IL1RAPL2: variants seen among roughly 807,000 people sequenced by gnomAD.
IL1RAPL2 encodes the protein X-linked interleukin-1 receptor accessory protein-like 2.
A neutral mutation model predicts 44.1 loss-of-function variants in IL1RAPL2; 3 were observed. That is an observed-to-expected ratio of 0.07 (90% confidence interval 0.03 to 0.18). The LOEUF is 0.18. IL1RAPL2 is among the 10% of genes least tolerant of loss of function. The pLI, the probability that IL1RAPL2 is intolerant of heterozygous loss-of-function variation, is 1.00. For missense variants in IL1RAPL2, 391 were observed against 496.4 expected, an observed-to-expected ratio of 0.79 and a Z score of 2.02; for synonymous variants, 181 against 178.8, an observed-to-expected ratio of 1.01 and a Z score of -0.10.
chrX:104,828,095 T>C (rs1921506577), intron 2 of IL1RAPL2, among the ~76,000 whole-genome samples: 1 of 111,994 alleles, frequency 8.9e-6, no homozygotes, highest in African/African-American at 3.2e-5. Context: ...CAGAGGAGTT[T>C]GTTATTACCC....
intron 5 of IL1RAPL2, among the ~76,000 whole-genome samples, chrX:105,365,895 G>A (rs768070101): frequency 9.1e-6 from 1 of 110,032 alleles, no homozygotes; most frequent in Non-Finnish European, 1.9e-5. Flanking sequence ...TCGTGCTTCA[G>A]CCTCTTGAGT....
intron 2 of IL1RAPL2, among the ~76,000 whole-genome samples, chrX:105,108,862 G>A (rs1306905071): frequency 9.0e-6 from 1 of 111,048 alleles, no homozygotes; most frequent in East Asian, 2.8e-4. Context: ...TTTAAAATAG[G>A]TCCCCATTAT....
intron 2 of IL1RAPL2, among the ~76,000 whole-genome samples, chrX:104,791,206 C>G (rs1444798932): frequency 1.9e-5 from 2 of 105,011 alleles, no homozygotes; most frequent in African/African-American, 7.0e-5. Flanking sequence ...CTGCCCTTCC[C>G]TTCCCTCTCC....
At chrX:105,290,688 A>G (rs890759514) in intron 5 of IL1RAPL2, among the ~76,000 whole-genome samples, 2 of 111,166 alleles carry the variant, frequency 1.8e-5, no homozygotes, top group Non-Finnish European at 3.8e-5. Flanking sequence ...TTCTGCTTGG[A>G]TGATTGTGTT....
chrX:105,406,808 A>C lies in IL1RAPL2; in HGVS notation c.698-77505A>C, dbSNP rs1327892245. On this transcript the variant is annotated intron_variant, in intron 5 of 10. Coordinates refer to ENST00000372582, the MANE Select transcript of IL1RAPL2 (RefSeq NM_017416.2). ...GCCAATTTAGAAGGTGCTAATCTGA[A>C]AGGTGTGGATATGGAAGGAAGTCAG... 3.5e-6 allele frequency: 4 copies of C among 1,157,273 alleles called. No homozygotes were observed. The Admixed American group carries it at 8.7e-5, about 25-fold the overall frequency.
At chrX:105,243,719 AGTT>A (rs2034195375) in intron 4 of IL1RAPL2, among the ~76,000 whole-genome samples, 1 of 108,956 alleles carries the variant, frequency 9.2e-6, no homozygotes, top group Admixed American at 9.9e-5. Context: ...AAAATTACTG[AGTT>A]CAGGGTAATG....
chrX:105,134,877 C>A (rs1360060366), intron 2 of IL1RAPL2, among the ~76,000 whole-genome samples: 1 of 109,391 alleles, frequency 9.1e-6, no homozygotes, highest in Non-Finnish European at 1.9e-5. Flanking sequence ...TAATCGTTGG[C>A]CCATAACTCC....
intron 2 of IL1RAPL2, among the ~76,000 whole-genome samples, chrX:104,952,822 A>G (rs1311985165): frequency 8.9e-6 from 1 of 112,439 alleles, no homozygotes; most frequent in Non-Finnish European, 1.9e-5. Context: ...AAGAGCTGTC[A>G]ACTAGCAATA....
At chrX:105,358,442 G>A (rs1468085425) in intron 5 of IL1RAPL2, among the ~76,000 whole-genome samples, 2 of 108,410 alleles carry the variant, frequency 1.8e-5, no homozygotes, top group African/African-American at 3.4e-5. Flanking sequence ...CTGGAAGGCC[G>A]AGGCAGGCAG....
chrX:105,367,127 A>G (rs1191016876), intron 5 of IL1RAPL2, among the ~76,000 whole-genome samples: 2 of 111,547 alleles, frequency 1.8e-5, no homozygotes, highest in Non-Finnish European at 3.8e-5. Context: ...CATCCACATT[A>G]TCTAATATAA....
At chrX:104,738,757 T>A (rs1166838932) in intron 2 of IL1RAPL2, among the ~76,000 whole-genome samples, 1 of 111,046 alleles carries the variant, frequency 9.0e-6, no homozygotes, top group Admixed American at 9.6e-5. Flanking sequence ...CTGGTCAACG[T>A]GGTGAGACCC....
intron 2 of IL1RAPL2, among the ~76,000 whole-genome samples, chrX:104,672,401 C>A (rs1184451970): frequency 4.5e-5 from 5 of 110,897 alleles, no homozygotes; most frequent in African/African-American, 1.6e-4. Flanking sequence ...CCAATTTCAT[C>A]CATGTCCATA....
chrX:105,397,643 G>C (rs902298874), intron 5 of IL1RAPL2, among the ~76,000 whole-genome samples: 2 of 111,089 alleles, frequency 1.8e-5, no homozygotes, highest in African/African-American at 6.5e-5. Flanking sequence ...GATGGAATAA[G>C]ATCTCAAAGA....
chrX:105,527,102 T>A (rs1167817565), intron 6 of IL1RAPL2, among the ~76,000 whole-genome samples: 1 of 111,411 alleles, frequency 9.0e-6, no homozygotes, highest in African/African-American at 3.3e-5. Context: ...ATATGCTGCC[T>A]CCTAGTCTGT....
chrX:104,950,941 C>G (rs1253803658), intron 2 of IL1RAPL2, among the ~76,000 whole-genome samples: 2 of 111,459 alleles, frequency 1.8e-5, no homozygotes. Context: ...ACCTGATTTT[C>G]CAGGTGCCGT....
chrX:104,724,020 A>G (rs759994245), intron 2 of IL1RAPL2, among the ~76,000 whole-genome samples: 37 of 111,936 alleles, frequency 3.3e-4, no homozygotes, highest in Non-Finnish European at 5.7e-4. Context: ...ACATAGCAGA[A>G]TAGAGATACA....
chrX:104,730,187 T>G (rs1272009148), intron 2 of IL1RAPL2, among the ~76,000 whole-genome samples: 1 of 111,577 alleles, frequency 9.0e-6, no homozygotes, highest in African/African-American at 3.2e-5. Flanking sequence ...ACACTCATAT[T>G]TGAAGACTTT....
intron 5 of IL1RAPL2, among the ~76,000 whole-genome samples, chrX:105,435,570 C>T: frequency 9.0e-6 from 1 of 111,706 alleles, no homozygotes; most frequent in Admixed American, 9.5e-5. Context: ...ATAAATCATT[C>T]TATTATAAAA....
chrX:104,910,719 A>G (rs1924209410), intron 2 of IL1RAPL2, among the ~76,000 whole-genome samples: 1 of 111,919 alleles, frequency 8.9e-6, no homozygotes, highest in Admixed American at 9.5e-5. Context: ...AAAATTTTGT[A>G]GCTCTCTTCA....
Sources: allele counts gnomAD v4.1 joint callset (sites outside exome capture counted in the v4.1 genomes callset), GRCh38; gene constraint gnomAD v4.1.1; transcripts MANE v1.5; gene names NCBI Gene and HGNC (gene_info 2026-07-23, HGNC 2026-07-21).